The following TLK2 variants were observed in gnomAD, a reference collection of about 807,000 sequenced individuals.
TLK2 encodes serine/threonine-protein kinase tousled-like 2.
A neutral mutation model predicts 117.3 loss-of-function variants in TLK2; 6 were observed. That is an observed-to-expected ratio of 0.05 (90% CI 0.03 to 0.10). The LOEUF (loss-of-function observed/expected upper bound fraction) is 0.10. TLK2 is among the 10% of genes least tolerant of loss of function. TLK2 has a pLI of 1.00. For synonymous variants in TLK2, 257 were observed against 316.7 expected (o/e 0.81, Z 2.00); for missense variants, 299 against 901.2 (o/e 0.33, Z 8.56).
chr17:62,502,492 G>A (rs4058742), intron 2 of TLK2, among the ~76,000 whole-genome samples: 1 of 152,138 alleles, frequency 6.6e-6, no homozygotes, highest in African/African-American at 2.4e-5. Flanking sequence ...CAAGTCAATG[G>A]TAATTGTTTT....
chr17:62,491,623 G>A (rs2073119138), intron 2 of TLK2, among the ~76,000 whole-genome samples: 1 of 152,118 alleles, frequency 6.6e-6, no homozygotes, highest in Admixed American at 6.6e-5. Context: ...GTCTTGCTCT[G>A]TCCCCAGGCT....
At chr17:62,516,530 G>C (rs185731379) in intron 2 of TLK2, 27 of 1,608,698 alleles carry the variant, frequency 1.7e-5, no homozygotes, top group Middle Eastern at 2.1e-4. Context: ...AGGTAATCAC[G>C]GAGATACTGG....
intron 9 of TLK2, among the ~76,000 whole-genome samples, chr17:62,555,272 A>G (rs2078769429): frequency 6.6e-6 from 1 of 152,092 alleles, no homozygotes; most frequent in South Asian, 2.1e-4. Flanking sequence ...GTTTGAATAT[A>G]TGTTTAATAA....
chr17:62,537,124 C>G (rs1215079429), intron 7 of TLK2, among the ~76,000 whole-genome samples: 3 of 152,154 alleles, frequency 2.0e-5, no homozygotes, highest in African/African-American at 4.8e-5. Context: ...GATTTTGTCC[C>G]TCTTACTGGT....
chr17:62,610,507 T>G (rs1003154109), intron 21 of TLK2, among the ~76,000 whole-genome samples: 1 of 151,680 alleles, frequency 6.6e-6, no homozygotes, highest in Non-Finnish European at 1.5e-5. Context: ...TAAATCAGAG[T>G]AGGGGGATGA....
At chr17:62,550,489 G>A (rs1250227639) in intron 7 of TLK2, 1 of 152,192 alleles carries the variant, frequency 6.6e-6, no homozygotes, top group African/African-American at 2.4e-5. Flanking sequence ...GTAAGGACTG[G>A]GTCTGTGGTT....
intron 7 of TLK2, among the ~76,000 whole-genome samples, chr17:62,547,800 A>G (rs1372205008): frequency 6.6e-6 from 1 of 152,156 alleles, no homozygotes; most frequent in African/African-American, 2.4e-5. Flanking sequence ...GGGATCTGGC[A>G]ACACAGAGCC....
chr17:62,491,428 G>A (rs1016035579), intron 2 of TLK2, among the ~76,000 whole-genome samples: 1 of 152,074 alleles, frequency 6.6e-6, no homozygotes, highest in African/African-American at 2.4e-5. Flanking sequence ...GGGATAATTT[G>A]ACTTAGTTCT....
intron 2 of TLK2, among the ~76,000 whole-genome samples, chr17:62,505,044 G>C (rs2074553353): frequency 6.6e-6 from 1 of 151,876 alleles, no homozygotes; most frequent in South Asian, 2.1e-4. Flanking sequence ...GGGTGTTGCT[G>C]TATTGCCCAG....
At chr17:62,583,453 C>T (rs925954543) in intron 15 of TLK2, among the ~76,000 whole-genome samples, 6 of 152,126 alleles carry the variant, frequency 3.9e-5, no homozygotes, top group African/African-American at 1.4e-4. Flanking sequence ...GCTTTCAATT[C>T]TTTTGGATGT....
chr17:62,571,355 G>A (rs936768732), intron 11 of TLK2, among the ~76,000 whole-genome samples: 3 of 151,902 alleles, frequency 2.0e-5, no homozygotes, highest in African/African-American at 7.3e-5. Flanking sequence ...GTAAATAATT[G>A]TCATACTATA....
At chr17:62,494,657 G>A (rs956147750) in intron 2 of TLK2, among the ~76,000 whole-genome samples, 2 of 152,116 alleles carry the variant, frequency 1.3e-5, no homozygotes, top group African/African-American at 4.8e-5. Context: ...ACCTGCCTTG[G>A]CCTCCCAAAG....
Position 62,590,016 on chromosome 17 carries a change from C to T in TLK2, c.1460+3790C>T, listed in dbSNP as rs371220618. Among the ~76,000 whole-genome samples, 3 of 150,206 alleles carry T rather than the reference C, an allele frequency of 2.0e-5. No individual in the cohort carries two copies. In the East Asian group the frequency reaches 6.2e-4, roughly 31 times the overall value. On this transcript the variant is annotated intron_variant, in intron 16 of 21. Coordinates refer to ENST00000346027, the MANE Select transcript of TLK2 (RefSeq NM_006852.6). ...TAGAGACGGGGTTTCACCGTGTTAG[C>T]CAGGATGGTCTCGATCTCCTGACCT... is the stretch of plus-strand genomic sequence containing the variant.
chr17:62,549,397 TCAAAAAAAAAAAAAAAAAAAAA>T (rs1265239166), intron 7 of TLK2, among the ~76,000 whole-genome samples: 2 of 4,930 alleles, frequency 4.1e-4, no homozygotes, highest in Non-Finnish European at 8.0e-4. Context: ...AGACTCCATC[TCAAAAAAAAAAAAAAAAAAAAA>T]AAAAAAAAAA....
At chr17:62,488,312 G>T (rs1431466613) in intron 2 of TLK2, among the ~76,000 whole-genome samples, 2 of 152,046 alleles carry the variant, frequency 1.3e-5, no homozygotes, top group Admixed American at 6.6e-5. Context: ...CTTCTGAAAA[G>T]GTATTTAACC....
chr17:62,573,284 A>G lies in TLK2; in HGVS notation c.1038A>G (p.Lys346=). The G allele has an allele frequency of 2.5e-6, 4 of 1,614,002 alleles. No individual in the cohort carries two copies. Among genetic ancestry groups the G allele is most frequent in the Middle Eastern group, 1.7e-4 (1 of 6,060 alleles). Residue 346 remains lysine, a synonymous_variant, in exon 12 of 22, where the codon AAA becomes AAG. Coordinates refer to ENST00000346027, the MANE Select transcript of TLK2 (RefSeq NM_006852.6). ...ERQRKMLAKR[K]PPAMGQAPPA... ...AACGGAAAATGTTAGCAAAGCGGAAACCTCCTGCCATGGGTCAGGCCCCTC... is the reference window on the plus strand; with the variant it reads ...AACGGAAAATGTTAGCAAAGCGGAAGCCTCCTGCCATGGGTCAGGCCCCTC...
chr17:62,481,021 G>C (rs1031387285), intron 1 of TLK2, 100 bp from the exon 2 acceptor site: 29 of 1,096,080 alleles, frequency 2.6e-5, no homozygotes, highest in Non-Finnish European at 3.4e-5. Context: ...ACCTGCATTT[G>C]ATCTTTCAGT....
chr17:62,478,578 C>T (rs1009930145), upstream of TLK2, among the ~76,000 whole-genome samples: 1 of 150,608 alleles, frequency 6.6e-6, no homozygotes, highest in South Asian at 2.1e-4. Context: ...CGCCCTCAGC[C>T]GTCCGGCGAG....
intron 2 of TLK2, among the ~76,000 whole-genome samples, chr17:62,484,050 C>T (rs1047598829): frequency 6.6e-6 from 1 of 151,888 alleles, no homozygotes; most frequent in Non-Finnish European, 1.5e-5. Flanking sequence ...TCTCGAACTC[C>T]CGACCTTGTG....
Sources: gnomAD v4.1 joint callset for allele counts (sites outside exome capture counted in the v4.1 genomes callset) on GRCh38, gnomAD v4.1.1 for gene constraint, MANE v1.5 for transcripts, NCBI Gene and HGNC (gene_info 2026-07-23, HGNC 2026-07-21) for gene names.